The following SYTL2 variants were observed in gnomAD, a reference collection of about 807,000 sequenced individuals.
The protein encoded by SYTL2 is synaptotagmin like 2.
In SYTL2, 165 loss-of-function variants were observed where a neutral mutation model predicts 198.7. The ratio of observed to expected loss-of-function variants is 0.83; its 90% CI spans 0.73 to 0.94. SYTL2 has a LOEUF of 0.94. SYTL2 is among the 40% of genes least tolerant of loss of function. The pLI, the probability that SYTL2 is intolerant of heterozygous loss-of-function variation, is 0.00. For synonymous variants in SYTL2, 966 were observed against 917.7 expected, an observed-to-expected ratio of 1.05 and a Z score of -0.95; for missense variants, 2,835 against 2,582.8, an observed-to-expected ratio of 1.10 and a Z score of -2.12.
intron 1 of SYTL2, among the ~76,000 whole-genome samples, chr11:85,791,811 T>C (rs1470575151): frequency 6.6e-6 from 1 of 152,032 alleles, no homozygotes; most frequent in Non-Finnish European, 1.5e-5. Context: ...CTTGGAGCCA[T>C]AAGGAAGGGA....
At chr11:85,828,168 A>G in the SYTL2 span, among the ~76,000 whole-genome samples, 2 of 152,170 alleles carry the variant, frequency 1.3e-5, no homozygotes, top group African/African-American at 4.8e-5. Flanking sequence ...GGTATTTCTC[A>G]GGCATCTCTG....
At chr11:85,845,889 T>C in the SYTL2 span, among the ~76,000 whole-genome samples, 3,083 of 152,228 alleles carry the variant, frequency 0.02, 111 homozygotes, top group African/African-American at 0.069. Context: ...GCACTCAGCC[T>C]GGGCAACAGA....
chr11:85,708,793 C>T (rs2085677890), intron 14 of SYTL2, among the ~76,000 whole-genome samples: 1 of 150,744 alleles, frequency 6.6e-6, no homozygotes, highest in African/African-American at 2.5e-5. Flanking sequence ...ACAAGATGAC[C>T]CCAAAGGTTC....
chr11:85,694,986 T>G lies in SYTL2; in HGVS notation c.*209A>C. The G allele has an allele frequency of 2.5e-6, 1 of 405,758 alleles. No individual in the cohort carries two copies. The highest frequency in any genetic ancestry group is 3.8e-5 in the East Asian group (1 of 26,320). 25.1% of individuals were successfully genotyped at this position (405,758 alleles called of 1,614,324 possible). ...GCTTGTTCAAATATCTTATTTAATA[T>G]TAGAGTCACAAATTACACATTTTGT... On this transcript the variant is annotated 3_prime_UTR_variant, in exon 20 of 20. Coordinates refer to ENST00000359152, the MANE Select transcript of SYTL2 (RefSeq NM_206927.4).
At chr11:85,733,821 G>C in intron 7 of SYTL2, 118 bp downstream of exon 7, 1 of 743,612 alleles carries the variant, frequency 1.3e-6, no homozygotes, top group South Asian at 1.8e-5. Flanking sequence ...GGATGGTCTC[G>C]ATCTCCTGAC....
intron 1 of SYTL2, among the ~76,000 whole-genome samples, chr11:85,792,716 G>A (rs182806948): frequency 0.022 from 3,364 of 151,472 alleles, 63 homozygotes; most frequent in Admixed American, 0.052. Flanking sequence ...CCATGCTGGT[G>A]TGCTGCACCC....
In SYTL2 at chr11:85,802,245, G is replaced by A. The variant is rs186171925; in HGVS notation, c.-390+8709C>T. ...CTTTTTTTTTTTTTTTTTGTGAGCC[G>A]GAGCCTTGCTCTGTCACCCAGGCTG... is the stretch of plus-strand genomic sequence containing the variant. On this transcript the variant is annotated intron_variant, in intron 1 of 19. Coordinates refer to ENST00000359152, the MANE Select transcript of SYTL2 (RefSeq NM_206927.4). 6.1e-5 allele frequency among the ~76,000 whole-genome samples: 7 copies of A among 115,002 alleles called. No homozygotes were observed. The South Asian group carries it at 1.4e-3, about 23-fold the overall frequency. 75.4% of individuals were successfully genotyped at this position (115,002 alleles called of 152,430 possible).
chr11:85,828,764 G>A, the SYTL2 span, among the ~76,000 whole-genome samples: 3 of 152,204 alleles, frequency 2.0e-5, no homozygotes, highest in South Asian at 4.1e-4. Flanking sequence ...TAAGGCCACG[G>A]AGACTACATG....
At chr11:85,714,367 C>T (rs748170655) in intron 12 of SYTL2, 46 bp downstream of exon 12, 8 of 1,490,848 alleles carry the variant, frequency 5.4e-6, no homozygotes, top group Non-Finnish European at 7.5e-6. Context: ...ATAGCAATTC[C>T]AACCCTCTGT....
chr11:85,740,236 G>T (rs752003696), intron 4 of SYTL2, among the ~76,000 whole-genome samples: 1 of 152,190 alleles, frequency 6.6e-6, no homozygotes, highest in East Asian at 1.9e-4. Flanking sequence ...AAACAAAATG[G>T]TCAATCTACT....
Position 85,734,193 on chromosome 11 carries a change from T to C in SYTL2, c.1136A>G (p.Gln379Arg), listed in dbSNP as rs74337189. 4.6e-3 allele frequency: 7,466 copies of C among 1,614,140 alleles called. 329 individuals carry two copies. In the African/African-American group the frequency reaches 0.089, roughly 19 times the overall value. Residue 379 changes from glutamine (Q) to arginine (R), a missense_variant, in exon 7 of 20, where the codon CAG (glutamine) becomes CGG (arginine). Transcript: ENST00000359152. Reference sequence around the variant, plus strand: ...GTATTGAGAAGGCTTAGGGTCACTCTGAAACTCTTCTGTGTCCCCTGCATC... The same window carrying C: ...GTATTGAGAAGGCTTAGGGTCACTCCGAAACTCTTCTGTGTCCCCTGCATC... ...MEDAGDTEEF[Q>R]SDPKPSQYRK...
At chr11:85,755,353 G>C (rs2091799505) in intron 2 of SYTL2, among the ~76,000 whole-genome samples, 2 of 152,138 alleles carry the variant, frequency 1.3e-5, no homozygotes, top group Admixed American at 1.3e-4. Flanking sequence ...TGAGGTACAT[G>C]GTGCCTAACT....
intron 1 of SYTL2, among the ~76,000 whole-genome samples, chr11:85,771,358 G>A (rs539137819): frequency 3.3e-5 from 5 of 152,262 alleles, no homozygotes; most frequent in East Asian, 1.9e-4. Context: ...GTTAATTAAC[G>A]TAAATGAATG....
intron 1 of SYTL2, among the ~76,000 whole-genome samples, chr11:85,785,069 A>G (rs1404005831): frequency 1.3e-5 from 2 of 152,010 alleles, no homozygotes; most frequent in Non-Finnish European, 2.9e-5. Context: ...GGGAGGTGAG[A>G]AAGGGGAAAT....
chr11:85,820,245 A>G, the SYTL2 span, among the ~76,000 whole-genome samples: 1 of 152,234 alleles, frequency 6.6e-6, no homozygotes, highest in Non-Finnish European at 1.5e-5. Flanking sequence ...AAATTTTTAA[A>G]AATAACTTTA....
chr11:85,706,604 C>T (rs1183732038), intron 15 of SYTL2, among the ~76,000 whole-genome samples: 1 of 152,086 alleles, frequency 6.6e-6, no homozygotes, highest in Non-Finnish European at 1.5e-5. Context: ...AGAAAATGTA[C>T]TTCCTTAAAA....
rs1462685639 is a variant in SYTL2 at position 85,709,478 on chromosome 11, A to G, written c.5768T>C (p.Val1923Ala). ...CAGATTGCCAAAGTCTCCACTATAA[A>G]CACTCATCACACTGCCACTCACCTG... ...LSSVSGSVMS[V>A]YSGDFGNLEV... The change falls in exon 14 of 20, where the codon GTT becomes GCT. Residue 1923 changes from valine to alanine, a missense_variant. Physicochemically the swap from Val to Ala is moderately conservative, Grantham distance 64 (BLOSUM62 0). Coordinates refer to ENST00000359152, the MANE Select transcript of SYTL2 (RefSeq NM_206927.4). 1 of 1,613,892 alleles carries G rather than the reference A, an allele frequency of 6.2e-7. No individual in the cohort carries two copies. Among genetic ancestry groups the G allele is most frequent in the Admixed American group, 1.7e-5 (1 of 60,018 alleles).
Position 85,789,373 on chromosome 11 carries a change from T to G in SYTL2, c.-390+21581A>C, listed in dbSNP as rs1031300495. ...ATATATATATATATATATATATATA[T>G]ATATGTATATATATATATATATATA... On this transcript the variant is annotated intron_variant, in intron 1 of 19. Transcript: ENST00000359152. Among the ~76,000 whole-genome samples, 370 of 59,550 alleles carry G rather than the reference T, an allele frequency of 6.2e-3. 12 individuals carry two copies. The highest frequency in any genetic ancestry group is 8.0e-3 in the Non-Finnish European group (270 of 33,808). The allele number at this position is 59,550 out of a possible 152,430, so 39.1% of individuals were successfully genotyped here.
chr11:85,786,995 A>G (rs17148488), intron 1 of SYTL2, among the ~76,000 whole-genome samples: 1 of 152,110 alleles, frequency 6.6e-6, no homozygotes, highest in Admixed American at 6.5e-5. Context: ...GAACTTTCTC[A>G]TCATAGTAGA....
Sources: gnomAD v4.1 joint callset for allele counts (sites outside exome capture counted in the v4.1 genomes callset) on GRCh38, gnomAD v4.1.1 for gene constraint, MANE v1.5 for transcripts, NCBI Gene and HGNC (gene_info 2026-07-23, HGNC 2026-07-21) for gene names.